Variants in SDK2 observed in about 807,000 individuals in gnomAD.
SDK2 encodes the protein protein sidekick-2.
A neutral mutation model predicts 253.9 loss-of-function variants in SDK2; 105 were observed. The observed-to-expected ratio is 0.41, with a 90% CI of 0.35 to 0.49. The LOEUF (loss-of-function observed/expected upper bound fraction) is 0.49, where lower values mean the gene tolerates loss of function less well. Among genes scored for constraint, SDK2 ranks in the 20% least tolerant of loss-of-function variants. The pLI is 0.06. For synonymous variants in SDK2, 1,249 were observed against 1,234.9 expected (o/e 1.01, Z -0.24); for missense variants, 2,608 against 3,003.0 (o/e 0.87, Z 3.07).
chr17:73,546,162 G>T (rs1449515682), intron 1 of SDK2, among the ~76,000 whole-genome samples: 2 of 152,290 alleles, frequency 1.3e-5, no homozygotes, highest in Admixed American at 6.5e-5. Flanking sequence ...CACCCCAGCT[G>T]CCCCCTCCGC....
At chr17:73,454,046 C>G (rs1052852373) in intron 4 of SDK2, among the ~76,000 whole-genome samples, 2 of 152,162 alleles carry the variant, frequency 1.3e-5, no homozygotes, top group Non-Finnish European at 2.9e-5. Context: ...CATTGTGTTA[C>G]AATTGCCTAC....
chr17:73,557,015 C>T (rs553501458), intron 1 of SDK2, among the ~76,000 whole-genome samples: 3 of 152,334 alleles, frequency 2.0e-5, no homozygotes, highest in Admixed American at 2.0e-4. Flanking sequence ...GCAAAGGCCA[C>T]GCAGCAGCTA....
chr17:73,580,196 C>T (rs920606118), intron 1 of SDK2, among the ~76,000 whole-genome samples: 1 of 152,216 alleles, frequency 6.6e-6, no homozygotes, highest in Admixed American at 6.5e-5. Flanking sequence ...TCCCTGCCCC[C>T]TCACCTGCAG....
chr17:73,418,241 C>T (rs1310690384), intron 16 of SDK2, among the ~76,000 whole-genome samples: 4 of 152,120 alleles, frequency 2.6e-5, no homozygotes, highest in Admixed American at 6.5e-5. Context: ...CTCCTGACCC[C>T]GTGATCCACC....
chr17:73,489,998 A>G (rs1290756370), intron 2 of SDK2, among the ~76,000 whole-genome samples: 1 of 152,210 alleles, frequency 6.6e-6, no homozygotes, highest in Non-Finnish European at 1.5e-5. Flanking sequence ...ATTTACCATC[A>G]TGAGAACCTG....
At chr17:73,633,540 C>A (rs577222466) in intron 1 of SDK2, among the ~76,000 whole-genome samples, 2 of 152,336 alleles carry the variant, frequency 1.3e-5, no homozygotes, top group African/African-American at 4.8e-5. Context: ...ACTGTGGCCT[C>A]TGAGGCCCAC....
At chr17:73,409,817 TTCTC>T (rs915109554) in intron 18 of SDK2, among the ~76,000 whole-genome samples, 8 of 132,852 alleles carry the variant, frequency 6.0e-5, no homozygotes, top group East Asian at 4.6e-4. Context: ...AAATAATACA[TTCTC>T]TCTCTCTCTC....
chr17:73,610,309 A>T (rs112230002), intron 1 of SDK2, among the ~76,000 whole-genome samples: 3,165 of 152,336 alleles, frequency 0.021, 48 homozygotes, highest in Middle Eastern at 0.045. Flanking sequence ...AGGCCCAGCC[A>T]GTCACTTAGG....
chr17:73,581,918 G>C (rs1392611679), intron 1 of SDK2, among the ~76,000 whole-genome samples: 1 of 152,204 alleles, frequency 6.6e-6, no homozygotes, highest in Non-Finnish European at 1.5e-5. Context: ...TATCCCTCAG[G>C]GGTCAGGATA....
At chr17:73,538,140 A>G (rs1190043061) in intron 1 of SDK2, among the ~76,000 whole-genome samples, 1 of 152,204 alleles carries the variant, frequency 6.6e-6, no homozygotes. Flanking sequence ...GGCTCAGTGA[A>G]TATTTGTAGT....
chr17:73,598,545 T>C (rs2045792028), intron 1 of SDK2, among the ~76,000 whole-genome samples: 3 of 152,192 alleles, frequency 2.0e-5, no homozygotes, highest in Admixed American at 6.5e-5. Flanking sequence ...GCTCTGCTCT[T>C]TATAGAAACC....
chr17:73,412,128 A>G (rs1157088082), intron 18 of SDK2, among the ~76,000 whole-genome samples: 1 of 38,606 alleles, frequency 2.6e-5, no homozygotes, highest in Non-Finnish European at 5.6e-5. Context: ...ATACGTATAT[A>G]TGTGTATGTG....
At chr17:73,495,619 C>CGTATGTGT (rs1555591562) in intron 2 of SDK2, among the ~76,000 whole-genome samples, 1 of 148,436 alleles carries the variant, frequency 6.7e-6, no homozygotes, top group East Asian at 2.0e-4. Flanking sequence ...AGGCCTGCCC[C>CGTATGTGT]GTGTGTGTGT....
chr17:73,472,583 T>G (rs780743431), intron 2 of SDK2, among the ~76,000 whole-genome samples: 2 of 152,214 alleles, frequency 1.3e-5, no homozygotes, highest in African/African-American at 2.4e-5. Flanking sequence ...GGGGCATTTT[T>G]TTTTGTCTTT....
At chr17:73,494,547 G>A (rs1037163913) in intron 2 of SDK2, among the ~76,000 whole-genome samples, 3 of 152,228 alleles carry the variant, frequency 2.0e-5, no homozygotes, top group Non-Finnish European at 2.9e-5. Context: ...GTCACGGTTT[G>A]AGAGACTTTT....
chr17:73,476,448 A>G (rs995847627), intron 2 of SDK2, among the ~76,000 whole-genome samples: 34 of 152,212 alleles, frequency 2.2e-4, no homozygotes, highest in African/African-American at 8.0e-4. Flanking sequence ...TCTTTATCGT[A>G]CGCATATATT....
chr17:73,532,164 A>G (rs2064174123), intron 1 of SDK2, among the ~76,000 whole-genome samples: 2 of 152,180 alleles, frequency 1.3e-5, no homozygotes, highest in Admixed American at 1.3e-4. Flanking sequence ...TAGTGGGTAG[A>G]GGCCAGGCTA....
rs756652190 is a variant in SDK2 at position 73,414,733 on chromosome 17, G to A, written c.2395C>T (p.His799Tyr). Residue 799 changes from histidine (H) to tyrosine (Y), a missense_variant, in exon 18 of 45, where the codon CAC (histidine) becomes TAC (tyrosine). This residue lies in a region of SDK2 where 1,505 missense variants were observed against 1,859.1 expected (regional missense o/e 0.81). Transcript: ENST00000392650. Reference protein sequence around the residue: ...GVPTVPPGNVHAEATNSTTIR... With the variant: ...GVPTVPPGNVYAEATNSTTIR... ...GTCGTGGAATTGGTGGCTTCCGCGT[G>A]CACATTGCCCGGAGGGACCGTGGGA... 3 of 1,613,722 alleles carry A rather than the reference G, an allele frequency of 1.9e-6. No homozygotes were observed. The highest frequency in any genetic ancestry group is 4.5e-5 in the East Asian group (2 of 44,850).
intron 1 of SDK2, among the ~76,000 whole-genome samples, chr17:73,593,168 A>G (rs1599709202): frequency 6.6e-6 from 1 of 151,208 alleles, no homozygotes; most frequent in African/African-American, 2.4e-5. Flanking sequence ...ACCCCACCCC[A>G]CCCTCTGCCT....
Sources: allele counts gnomAD v4.1 joint callset (sites outside exome capture counted in the v4.1 genomes callset), GRCh38; gene constraint gnomAD v4.1.1; regional missense constraint gnomAD v4.1.1; transcripts MANE v1.5; gene names NCBI Gene and HGNC (gene_info 2026-07-23, HGNC 2026-07-21).